Variants in DISC1 observed in about 807,000 individuals in gnomAD.
DISC1 encodes DISC1 scaffold protein.
DISC1 carries 57 observed loss-of-function variants against 84.5 expected under a neutral mutation model. That is an observed-to-expected ratio of 0.67 (90% CI 0.55 to 0.84). DISC1 has a LOEUF of 0.84. DISC1 is among the 40% of genes least tolerant of loss of function. The pLI, the probability that DISC1 is intolerant of heterozygous loss-of-function variation, is 0.00. For missense variants in DISC1, 1,000 were observed against 1,057.8 expected (o/e 0.95, Z 0.76); for synonymous variants, 411 against 415.2 (o/e 0.99, Z 0.12).
intron 1 of DISC1, among the ~76,000 whole-genome samples, chr1:231,635,173 C>T (rs1325217502): frequency 1.3e-5 from 2 of 152,094 alleles, no homozygotes; most frequent in African/African-American, 4.8e-5. Flanking sequence ...GGACAGTCCT[C>T]ACAAAGCACA....
intron 1 of DISC1, among the ~76,000 whole-genome samples, chr1:231,669,278 G>A (rs111694268): frequency 0.033 from 5,027 of 152,280 alleles, 263 homozygotes; most frequent in African/African-American, 0.11. Flanking sequence ...AACCCTGGAA[G>A]ATAACTGAGG....
At chr1:232,015,090 G>A (rs545844886) in intron 11 of DISC1, among the ~76,000 whole-genome samples, 1 of 152,316 alleles carries the variant, frequency 6.6e-6, no homozygotes, top group East Asian at 1.9e-4. Context: ...GGGACAAGCT[G>A]GCAGGTGGCT....
intron 1 of DISC1, among the ~76,000 whole-genome samples, chr1:231,682,337 A>G (rs1347769613): frequency 6.6e-6 from 1 of 152,200 alleles, no homozygotes; most frequent in Non-Finnish European, 1.5e-5. Context: ...GAGTTTAGAG[A>G]AAACCTTTCC....
chr1:231,868,791 A>G (rs2085250727), intron 9 of DISC1, among the ~76,000 whole-genome samples: 1 of 148,210 alleles, frequency 6.7e-6, no homozygotes, highest in South Asian at 2.2e-4. Flanking sequence ...AGGCTAAGGC[A>G]GGCGGATTGC....
chr1:231,651,715 G>A (rs1433655828), intron 1 of DISC1, among the ~76,000 whole-genome samples: 1 of 152,276 alleles, frequency 6.6e-6, no homozygotes, highest in Non-Finnish European at 1.5e-5. Flanking sequence ...AGAGGCAGCA[G>A]GCCTTGGAGA....
intron 9 of DISC1, chr1:231,944,780 G>A (rs538087016): frequency 1.3e-5 from 2 of 152,182 alleles, no homozygotes; most frequent in East Asian, 3.9e-4. Flanking sequence ...TTTAAGAAGC[G>A]GAAGTTACAA....
At position 232,009,249 on chromosome 1, in the gene DISC1, A is replaced by T; in HGVS notation, c.2307+200A>T. The T allele has an allele frequency of 7.2e-7, 1 of 1,383,136 alleles. No homozygotes were observed. Among genetic ancestry groups the T allele is most frequent in the Admixed American group, 3.0e-5 (1 of 32,810 alleles). The allele number at this position is 1,383,136 out of a possible 1,614,324, so 85.7% of individuals were successfully genotyped here. A position where few individuals can be genotyped will look rare whatever the true frequency, so the allele number is the denominator to read the frequency against. On this transcript the variant is annotated intron_variant, in intron 11 of 12. Transcript: ENST00000439617. This position sits in a 1 kb window ranked among gnomAD's most constrained non-coding sequence, Gnocchi z 4.6. The stretch of plus-strand genomic sequence containing the variant: ...AGTTTGAAATATAGAAGAGCAAAAA[A>T]ACCCAACTTTTGGCATATTTAGTTC...
At chr1:231,769,140 C>A (rs183439954) in intron 5 of DISC1, among the ~76,000 whole-genome samples, 1 of 152,212 alleles carries the variant, frequency 6.6e-6, no homozygotes, top group East Asian at 1.9e-4. Flanking sequence ...ATGATCTGAC[C>A]ACATTGTAAA....
intron 9 of DISC1, among the ~76,000 whole-genome samples, chr1:231,935,985 A>G (rs552995782): frequency 6.6e-6 from 1 of 152,154 alleles, no homozygotes; most frequent in Admixed American, 6.5e-5. Flanking sequence ...TCCCAACGTA[A>G]TTAAACTGCA....
chr1:231,724,807 G>T (rs1317055894), intron 3 of DISC1, among the ~76,000 whole-genome samples: 1 of 152,200 alleles, frequency 6.6e-6, no homozygotes, highest in Non-Finnish European at 1.5e-5. Context: ...ACATTCTCAA[G>T]TGTCACTGTC....
chr1:231,701,740 A>G (rs1573003869), intron 2 of DISC1, among the ~76,000 whole-genome samples: 1 of 152,026 alleles, frequency 6.6e-6, no homozygotes, highest in Admixed American at 6.5e-5. Context: ...TTTTATGTGG[A>G]TGTTATGCTC....
intron 3 of DISC1, among the ~76,000 whole-genome samples, chr1:231,716,243 T>C (rs1242730094): frequency 6.8e-6 from 1 of 146,892 alleles, no homozygotes; most frequent in Admixed American, 7.1e-5. Context: ...GAAAATAAGA[T>C]GCAATGATTT....
chr1:231,695,797 A>C (rs1389324350), intron 2 of DISC1, among the ~76,000 whole-genome samples: 1 of 152,184 alleles, frequency 6.6e-6, no homozygotes, highest in East Asian at 1.9e-4. Context: ...AGTAATCTGC[A>C]GAAGTTCATG....
intron 1 of DISC1, among the ~76,000 whole-genome samples, chr1:231,660,137 G>T (rs1042604631): frequency 2.6e-5 from 4 of 152,116 alleles, no homozygotes; most frequent in Non-Finnish European, 5.9e-5. Flanking sequence ...TGAAGAACTT[G>T]CTTTATGAAT....
intron 9 of DISC1, among the ~76,000 whole-genome samples, chr1:231,842,689 T>C (rs1222327894): frequency 6.6e-6 from 1 of 152,168 alleles, no homozygotes; most frequent in Non-Finnish European, 1.5e-5. Flanking sequence ...TTGTGCCACA[T>C]CAGAGGGACA....
At chr1:231,632,923 C>T (rs2058853209) in intron 1 of DISC1, among the ~76,000 whole-genome samples, 1 of 152,078 alleles carries the variant, frequency 6.6e-6, no homozygotes, top group Non-Finnish European at 1.5e-5. Flanking sequence ...ATACAAAAAT[C>T]AGCTGAGCAT....
Position 231,694,659 on chromosome 1 carries a change from T to C in DISC1, c.901T>C (p.Ser301Pro). ...TTCTTTACCAGACATGGACCCTGGC[T>C]CCTCCAGTTCTCTGGATCCCTCACT... ...MHSLPDMDPG[S>P]SSSLDPSLAG... The change falls in exon 2 of 13, where the codon TCC (serine) becomes CCC (proline). Residue 301 changes from serine to proline, a missense_variant. This residue lies in a region of DISC1 where 311 missense variants were observed against 400.1 expected (regional missense o/e 0.78). Transcript: ENST00000439617. The C allele has an allele frequency of 1.9e-6, 3 of 1,614,232 alleles. No homozygotes were observed. Among genetic ancestry groups the C allele is most frequent in the Non-Finnish European group, 2.5e-6 (3 of 1,180,048 alleles).
At chr1:231,942,903 G>A (rs952714118) in intron 9 of DISC1, among the ~76,000 whole-genome samples, 3 of 152,172 alleles carry the variant, frequency 2.0e-5, no homozygotes, top group Admixed American at 6.5e-5. Flanking sequence ...GGGAGATCAA[G>A]GATTATGTTC....
chr1:231,938,405 G>T (rs1327811548), intron 9 of DISC1, among the ~76,000 whole-genome samples: 1 of 152,136 alleles, frequency 6.6e-6, no homozygotes, highest in African/African-American at 2.4e-5. Flanking sequence ...GGAGGTGAAG[G>T]GGGGCCCATG....
Sources: allele counts gnomAD v4.1 joint callset (sites outside exome capture counted in the v4.1 genomes callset), GRCh38; gene constraint gnomAD v4.1.1; regional missense constraint gnomAD v4.1.1; non-coding constraint Gnocchi (gnomAD v3.1); transcripts MANE v1.5; gene names NCBI Gene and HGNC (gene_info 2026-07-23, HGNC 2026-07-21).